Variants in TBCCD1 observed in about 807,000 individuals in gnomAD.
TBCCD1 encodes the protein TBCC domain-containing protein 1.
In TBCCD1, 26 loss-of-function variants were observed where a neutral mutation model predicts 53.4. The observed-to-expected ratio is 0.49, with a 90% CI of 0.36 to 0.68. The LOEUF (loss-of-function observed/expected upper bound fraction) is 0.68. TBCCD1 is among the 30% of genes least tolerant of loss of function. The probability of loss-of-function intolerance (pLI) is 0.00; values close to 1 mark genes in which losing one functional copy is unlikely to be tolerated. For synonymous variants in TBCCD1, 245 were observed against 241.7 expected (o/e 1.01, Z -0.13); for missense variants, 558 against 669.5 (o/e 0.83, Z 1.84).
chr3:186,569,623 C>CTT (rs370706242), upstream of TBCCD1, among the ~76,000 whole-genome samples: 2,119 of 134,006 alleles, frequency 0.016, 36 homozygotes, highest in African/African-American at 0.035. Context: ...CGCGCCCGGG[C>CTT]TTTTTTTTTT....
chr3:186,563,897 C>A, intron 2 of TBCCD1, 97 bp downstream of exon 2: 1 of 1,387,870 alleles, frequency 7.2e-7, no homozygotes, highest in African/African-American at 1.5e-5. Flanking sequence ...AACTCTGTTT[C>A]TATCTAAAAA....
chr3:186,557,090 C>T (rs1406975639), intron 3 of TBCCD1, among the ~76,000 whole-genome samples: 1 of 152,134 alleles, frequency 6.6e-6, no homozygotes, highest in Non-Finnish European at 1.5e-5. Flanking sequence ...TAAATCTGGC[C>T]AATTTCAAAT....
intron 4 of TBCCD1, 137 bp downstream of exon 4, chr3:186,556,272 A>T (rs1560225973): frequency 2.2e-6 from 2 of 916,530 alleles, no homozygotes. Flanking sequence ...CAAAAGACAG[A>T]TGTTCCTTTT....
chr3:186,552,789 C>G (rs1714417710), intron 6 of TBCCD1, among the ~76,000 whole-genome samples: 1 of 152,184 alleles, frequency 6.6e-6, no homozygotes, highest in African/African-American at 2.4e-5. Context: ...AAACACACTT[C>G]TCTCCCTCCT....
intron 1 of TBCCD1, among the ~76,000 whole-genome samples, chr3:186,564,906 T>C (rs532612667): frequency 6.6e-6 from 1 of 152,316 alleles, no homozygotes; most frequent in East Asian, 1.9e-4. Context: ...AGTTACAGCA[T>C]CTTTATTCTC....
In TBCCD1 at chr3:186,554,666, C is replaced by A; in HGVS notation, c.1132G>T (p.Val378Phe). ...CGATGGCAAACAGCAATGACTTTAACATTGTCACAACTGTGGAGGTGAAGT... is the reference window on the plus strand; with the variant it reads ...CGATGGCAAACAGCAATGACTTTAAAATTGTCACAACTGTGGAGGTGAAGT... ...TTLHLHSCDN[V>F]KVIAVCHRLS... is the part of the protein sequence containing the mutation. The change falls in exon 6 of 8, where the codon GTT becomes TTT. Residue 378 changes from valine to phenylalanine, a missense_variant. Transcript: ENST00000338733. 2 of 1,614,228 alleles carry A rather than the reference C, an allele frequency of 1.2e-6. No individual in the cohort carries two copies. The highest frequency in any genetic ancestry group is 1.7e-6 in the Non-Finnish European group (2 of 1,180,038).
intron 3 of TBCCD1, among the ~76,000 whole-genome samples, chr3:186,557,475 G>A: frequency 6.6e-6 from 1 of 152,218 alleles, no homozygotes; most frequent in East Asian, 1.9e-4. Flanking sequence ...ATCTGGGCTT[G>A]AACATTCTGA....
At chr3:186,550,135 G>A (rs1423581239) in intron 7 of TBCCD1, among the ~76,000 whole-genome samples, 2 of 150,570 alleles carry the variant, frequency 1.3e-5, no homozygotes, top group Admixed American at 6.6e-5. Flanking sequence ...GCTGAGGCAG[G>A]AGAATTGCTT....
chr3:186,552,450 G>A (rs927353872), intron 6 of TBCCD1, among the ~76,000 whole-genome samples: 4 of 152,108 alleles, frequency 2.6e-5, no homozygotes, highest in African/African-American at 4.8e-5. Context: ...AGATCACTCC[G>A]TAATCGTATC....
chr3:186,552,456 G>GT (rs1560223764), intron 6 of TBCCD1, among the ~76,000 whole-genome samples: 1 of 152,146 alleles, frequency 6.6e-6, no homozygotes, highest in East Asian at 1.9e-4. Flanking sequence ...CTCCGTAATC[G>GT]TATCTCAGTT....
chr3:186,570,091 G>A (rs1298132154), upstream of TBCCD1: 1 of 700,942 alleles, frequency 1.4e-6, no homozygotes, highest in East Asian at 2.7e-5. Context: ...AGGAGGGGAG[G>A]GGTGGGGGGT....
rs983656306 is a variant in TBCCD1, at chr3:186,564,359, G to C, written c.-30C>G. The C allele has an allele frequency of 2.6e-6, 4 of 1,547,624 alleles. No homozygotes were observed. Among genetic ancestry groups the C allele is most frequent in the Non-Finnish European group, 3.5e-6 (4 of 1,145,234 alleles). On this transcript the variant is annotated 5_prime_UTR_variant, in exon 2 of 8. Transcript: ENST00000338733. The stretch of plus-strand genomic sequence containing the variant: ...TCTCTAAGGACATCAGGGTGAAAAG[G>C]CTTCTTTGCATACCTAGGAAACAAA...
intron 6 of TBCCD1, among the ~76,000 whole-genome samples, chr3:186,552,025 A>C (rs1714396566): frequency 6.6e-6 from 1 of 152,124 alleles, no homozygotes. Context: ...ATATAATATA[A>C]AGTTAAGTAG....
At chr3:186,562,360 G>C (rs1645977279) in intron 2 of TBCCD1, among the ~76,000 whole-genome samples, 1 of 152,138 alleles carries the variant, frequency 6.6e-6, no homozygotes. Flanking sequence ...AACAGAAAGA[G>C]AGAGAAATCC....
At chr3:186,561,843 T>A (rs1714699845) in intron 2 of TBCCD1, among the ~76,000 whole-genome samples, 5 of 152,064 alleles carry the variant, frequency 3.3e-5, no homozygotes, top group Admixed American at 2.0e-4. Context: ...AAAAGAGAAC[T>A]ACCATACGAT....
intron 2 of TBCCD1, among the ~76,000 whole-genome samples, chr3:186,563,642 G>A (rs1419736143): frequency 6.6e-6 from 1 of 152,242 alleles, no homozygotes; most frequent in Non-Finnish European, 1.5e-5. Context: ...GGTCTGGTAA[G>A]TAAGGACTAA....
At chr3:186,570,172 G>A (rs980227200), upstream of TBCCD1, 6 of 700,912 alleles carry the variant, frequency 8.6e-6, no homozygotes, top group Middle Eastern at 2.3e-4. Context: ...GCCTTTCCGA[G>A]ACAGTTGTCT....
chr3:186,570,450 T>TC (rs751683720), upstream of TBCCD1: 211 of 484,308 alleles, frequency 4.4e-4, no homozygotes, highest in Non-Finnish European at 6.6e-4. Flanking sequence ...TCAGGTGCCC[T>TC]CACTCTGACC....
intron 6 of TBCCD1, among the ~76,000 whole-genome samples, chr3:186,552,754 T>C (rs1444803028): frequency 6.6e-6 from 1 of 152,214 alleles, no homozygotes; most frequent in African/African-American, 2.4e-5. Flanking sequence ...CAGTTTTCCA[T>C]GTTCCCCAAC....
Sources: gnomAD v4.1 joint callset for allele counts (sites outside exome capture counted in the v4.1 genomes callset) on GRCh38, gnomAD v4.1.1 for gene constraint, MANE v1.5 for transcripts, NCBI Gene and HGNC (gene_info 2026-07-23, HGNC 2026-07-21) for gene names.